HEMK1: variants seen among roughly 807,000 people sequenced by gnomAD.
The protein encoded by HEMK1 is MTRF1L release factor glutamine methyltransferase.
In HEMK1, 36 loss-of-function variants were observed where a neutral mutation model predicts 47.9. The observed-to-expected ratio is 0.75, with a 90% CI of 0.58 to 0.99. The LOEUF (loss-of-function observed/expected upper bound fraction) is 0.99. HEMK1 is among the 50% of genes least tolerant of loss of function. The pLI, the probability that HEMK1 is intolerant of heterozygous loss-of-function variation, is 0.00. For synonymous variants in HEMK1, 153 were observed against 165.4 expected (o/e 0.93, Z 0.57); for missense variants, 383 against 434.5 (o/e 0.88, Z 1.05).
chr3:50,575,444 GA>G (rs1701478927), intron 4 of HEMK1, among the ~76,000 whole-genome samples: 1 of 151,628 alleles, frequency 6.6e-6, no homozygotes, highest in Admixed American at 6.6e-5. Context: ...GAAAAGAAAA[GA>G]AAAAAAGAAA....
chr3:50,582,832 C>T lies in HEMK1; in HGVS notation c.*2415C>T, dbSNP rs1440655266. On this transcript the variant is annotated 3_prime_UTR_variant, in exon 11 of 11. Coordinates refer to ENST00000232854, the MANE Select transcript of HEMK1 (RefSeq NM_016173.5). ...CTGGCAGCCTACATCTCCCCTCAGC[C>T]TCTCCTCACTATGGCCCCAGTGCCT... is the stretch of plus-strand genomic sequence containing the variant. The T allele has an allele frequency of 6.6e-6, 1 of 152,368 alleles. No individual in the cohort carries two copies. Among genetic ancestry groups the T allele is most frequent in the Non-Finnish European group, 1.5e-5 (1 of 68,146 alleles). The allele number at this position is 152,368 out of a possible 1,614,324, so 9.4% of individuals were successfully genotyped here. A position where few individuals can be genotyped will look rare whatever the true frequency, so the allele number is the denominator to read the frequency against.
chr3:50,573,243 C>CT (rs1559455391), intron 4 of HEMK1, among the ~76,000 whole-genome samples: 2 of 152,174 alleles, frequency 1.3e-5, no homozygotes, highest in Non-Finnish European at 2.9e-5. Flanking sequence ...CGTGGACTTC[C>CT]TGACTCCCAG....
At chr3:50,574,426 G>C (rs181379226) in intron 4 of HEMK1, among the ~76,000 whole-genome samples, 98 of 152,318 alleles carry the variant, frequency 6.4e-4, no homozygotes, top group Admixed American at 1.9e-3. Context: ...GGTGGCAGGG[G>C]CTCAGTTTCT....
chr3:50,578,938 G>C lies in HEMK1; in HGVS notation c.770+12G>C. On this transcript the variant is annotated intron_variant, in intron 8 of 10. Coordinates refer to ENST00000232854, the MANE Select transcript of HEMK1 (RefSeq NM_016173.5). ...CCTGAGATCCGCAGGTGCTAAGCAGGGTGGGCCAGGGAGGCCAGGCCTGAA... is the reference window on the plus strand; with the variant it reads ...CCTGAGATCCGCAGGTGCTAAGCAGCGTGGGCCAGGGAGGCCAGGCCTGAA... 2 of 1,599,656 alleles carry C rather than the reference G, an allele frequency of 1.3e-6. No homozygotes were observed. Among genetic ancestry groups the C allele is most frequent in the Non-Finnish European group, 1.7e-6 (2 of 1,170,986 alleles).
chr3:50,576,243 G>A (rs1389838617), intron 4 of HEMK1, among the ~76,000 whole-genome samples: 1 of 152,222 alleles, frequency 6.6e-6, no homozygotes, highest in African/African-American at 2.4e-5. Flanking sequence ...CCTGATTCTT[G>A]GCCACCATGA....
At chr3:50,580,254 C>G (rs775682924) in intron 10 of HEMK1, 25 bp downstream of exon 10, 2 of 1,607,658 alleles carry the variant, frequency 1.2e-6, no homozygotes, top group Non-Finnish European at 1.7e-6. Flanking sequence ...CCCTTTAGCC[C>G]TGTAGCATGC....
At position 50,580,708 on chromosome 3, in the gene HEMK1, G is replaced by A. The variant is rs2030691051; in HGVS notation, c.*291G>A. ...CCTAATGTTTTGTCCATGACTTGCA[G>A]GTCCCCTGACCCCCTTACTCCCAGG... On this transcript the variant is annotated 3_prime_UTR_variant, in exon 11 of 11. Transcript: ENST00000232854. 2.0e-6 allele frequency: 1 copy of A among 488,158 alleles called. No homozygotes were observed. The highest frequency in any genetic ancestry group is 2.0e-5 in the African/African-American group (1 of 50,878). The allele number at this position is 488,158 out of a possible 1,614,324, so 30.2% of individuals were successfully genotyped here. A position where few individuals can be genotyped will look rare whatever the true frequency, so the allele number is the denominator to read the frequency against.
chr3:50,579,181 G>C (rs1025001026), intron 8 of HEMK1, among the ~76,000 whole-genome samples: 3 of 152,228 alleles, frequency 2.0e-5, no homozygotes, highest in Admixed American at 1.3e-4. Context: ...GAAAAAGAGA[G>C]GTAGTGCTCT....
Position 50,577,795 on chromosome 3 carries a change from C to T in HEMK1, c.615-31C>T, listed in dbSNP as rs144621122. 8.9e-5 allele frequency: 144 copies of T among 1,609,894 alleles called. No homozygotes were observed. The East Asian group carries it at 2.3e-3, about 26-fold the overall frequency. ...GTAGTGAAGGGTAGGGGTCTGCCCCCGTGCCTACCCCTTTCTCCCTGTCTG... is the reference window on the plus strand; with the variant it reads ...GTAGTGAAGGGTAGGGGTCTGCCCCTGTGCCTACCCCTTTCTCCCTGTCTG... On this transcript the variant is annotated intron_variant, in intron 6 of 10. Transcript: ENST00000232854.
chr3:50,574,541 G>A (rs1363824844), intron 4 of HEMK1, among the ~76,000 whole-genome samples: 3 of 152,174 alleles, frequency 2.0e-5, no homozygotes, highest in African/African-American at 7.2e-5. Context: ...TGGCTGAGGG[G>A]TCATTCTCCA....
At position 50,571,283 on chromosome 3, in the gene HEMK1, C is replaced by T; in HGVS notation, c.179C>T (p.Ala60Val). ...TTTGAGAAGAGGGGTATCCCTGAGG[C>T]CCGGGAATCCAGTGAGTACATCGTG... ...GVFEKRGIPEARESSEYIVAH... is the reference protein window; with the variant it reads ...GVFEKRGIPEVRESSEYIVAH... The change falls in exon 2 of 11, where the codon GCC (alanine) becomes GTC (valine). Residue 60 changes from alanine to valine, a missense_variant. By Grantham distance (64) the Ala-to-Val change is moderately conservative (BLOSUM62 0). Transcript: ENST00000232854. 1.2e-6 allele frequency: 2 copies of T among 1,612,190 alleles called. No homozygotes were observed. Among genetic ancestry groups the T allele is most frequent in the Non-Finnish European group, 1.7e-6 (2 of 1,178,980 alleles).
rs966094780 is a variant in HEMK1 at position 50,584,907 on chromosome 3, G to A, written c.*4490G>A. ...AATGGGCAGAGGCTGGAAGAATTTT[G>A]AGAGTCATGATAAATTGCCTTAACC... is the stretch of plus-strand genomic sequence containing the variant. On this transcript the variant is annotated 3_prime_UTR_variant, in exon 11 of 11. Coordinates refer to ENST00000232854, the MANE Select transcript of HEMK1 (RefSeq NM_016173.5). 5 of 152,212 alleles carry A rather than the reference G, an allele frequency of 3.3e-5. No homozygotes were observed. The highest frequency in any genetic ancestry group is 1.2e-4 in the African/African-American group (5 of 41,442). 9.4% of individuals were successfully genotyped at this position (152,212 alleles called of 1,614,324 possible).
intron 4 of HEMK1, among the ~76,000 whole-genome samples, chr3:50,575,722 GAGACCTGGGGT>G (rs1447087399): frequency 1.3e-5 from 2 of 152,216 alleles, no homozygotes; most frequent in African/African-American, 2.4e-5. Context: ...AGTCTTTCCT[GAGACCTGGGGT>G]CCCAGGAGTC....
chr3:50,572,272 C>A, intron 4 of HEMK1, 64 bp downstream of exon 4: 1 of 1,561,168 alleles, frequency 6.4e-7, no homozygotes, highest in South Asian at 1.2e-5. Context: ...ACCAGTCTTA[C>A]CCCAGGCTTC....
chr3:50,571,462 G>C, intron 2 of HEMK1, 130 bp downstream of exon 2: 2 of 719,902 alleles, frequency 2.8e-6, no homozygotes, highest in Non-Finnish European at 4.7e-6. Context: ...GAACGTCTTA[G>C]CGCCTGGCAC....
Position 50,578,882 on chromosome 3 carries a change from C to T in HEMK1, c.726C>T (p.Tyr242=), listed in dbSNP as rs142157189. The change falls in exon 8 of 11, where the codon TAC becomes TAT. Residue 242 remains tyrosine, a synonymous_variant. Transcript: ENST00000232854. The part of the protein sequence containing the change: ...PMDLIVSNPP[Y]VFHQDMEQLA... ...ACCTGATTGTCAGCAACCCTCCCTA[C>T]GTCTTCCACCAGGACATGGAGCAGC... 257 of 1,613,354 alleles carry T rather than the reference C, an allele frequency of 1.6e-4. No homozygotes were observed. The African/African-American group carries it at 2.6e-3, about 16-fold the overall frequency.
Position 50,577,881 on chromosome 3 carries a change from C to T in HEMK1, c.664+6C>T, listed in dbSNP as rs2029967447. 6.2e-7 allele frequency: 1 copy of T among 1,613,708 alleles called. No individual in the cohort carries two copies. The highest frequency in any genetic ancestry group is 1.3e-5 in the African/African-American group (1 of 74,918). On this transcript the variant is annotated splice_donor_region_variant and intron_variant, in intron 7 of 10. Coordinates refer to ENST00000232854, the MANE Select transcript of HEMK1 (RefSeq NM_016173.5). ...CCACCTCGACATGACCTCAGGTACC[C>T]TCCCCTGCATGTTCCTTGAGAGAGG...
In HEMK1 at chr3:50,580,441, G is replaced by A. The variant is rs376153059; in HGVS notation, c.*24G>A. On this transcript the variant is annotated 3_prime_UTR_variant, in exon 11 of 11. Transcript: ENST00000232854. The stretch of plus-strand genomic sequence containing the variant: ...AGCATGGCTGCCCTGTGGATGCCTT[G>A]TCAGTGCCGCCAGCCTGACCAGAGG... 1.2e-6 allele frequency: 2 copies of A among 1,613,650 alleles called. No homozygotes were observed. Among genetic ancestry groups the A allele is most frequent in the African/African-American group, 1.3e-5 (1 of 74,906 alleles).
At chr3:50,571,442 T>G (rs1440175223) in intron 2 of HEMK1, 110 bp downstream of exon 2, 1 of 833,272 alleles carries the variant, frequency 1.2e-6, no homozygotes, top group Non-Finnish European at 1.9e-6. Context: ...CTGATGGGAT[T>G]TTTCTGAAGG....
Sources: allele counts gnomAD v4.1 joint callset (sites outside exome capture counted in the v4.1 genomes callset), GRCh38; gene constraint gnomAD v4.1.1; transcripts MANE v1.5; gene names NCBI Gene and HGNC (gene_info 2026-07-23, HGNC 2026-07-21).